Variants in DSCAM observed in about 807,000 individuals in gnomAD.
The protein encoded by DSCAM is cell adhesion molecule DSCAM.
DSCAM carries 47 observed loss-of-function variants against 217.7 expected under a neutral mutation model. The observed-to-expected ratio is 0.22, with a 90% confidence interval of 0.17 to 0.28. The LOEUF (loss-of-function observed/expected upper bound fraction) is 0.28, where lower values mean the gene tolerates loss of function less well. Ranked by LOEUF, DSCAM falls within the 10% of genes least tolerant of loss-of-function variation. The pLI is 1.00. For missense variants in DSCAM, 2,080 were observed against 2,618.3 expected, an observed-to-expected ratio of 0.79 and a Z score of 4.49; for synonymous variants, 1,056 against 1,015.3, an observed-to-expected ratio of 1.04 and a Z score of -0.76.
At chr21:40,839,647 GT>G (rs552504350) in intron 1 of DSCAM, among the ~76,000 whole-genome samples, 1 of 149,462 alleles carries the variant, frequency 6.7e-6, no homozygotes, top group African/African-American at 2.5e-5. Context: ...TTTTTTTTTT[GT>G]TTTTTTCTCC....
At chr21:40,739,972 T>A (rs1308659232) in intron 1 of DSCAM, among the ~76,000 whole-genome samples, 4 of 138,546 alleles carry the variant, frequency 2.9e-5, no homozygotes, top group African/African-American at 1.1e-4. Flanking sequence ...TTTTTTTTTT[T>A]TTTTTTTTTT....
At chr21:40,460,915 T>C (rs1352081149) in intron 3 of DSCAM, among the ~76,000 whole-genome samples, 1 of 152,224 alleles carries the variant, frequency 6.6e-6, no homozygotes, top group Non-Finnish European at 1.5e-5. Flanking sequence ...ACGTTTAAAG[T>C]GTATATAACC....
intron 1 of DSCAM, among the ~76,000 whole-genome samples, chr21:40,815,974 C>T (rs2091878022): frequency 6.6e-6 from 1 of 152,200 alleles, no homozygotes; most frequent in Non-Finnish European, 1.5e-5. Context: ...GTTGTCACCA[C>T]AGATGAGGCA....
At chr21:40,220,448 T>A (rs1466407172) in intron 11 of DSCAM, among the ~76,000 whole-genome samples, 10 of 152,220 alleles carry the variant, frequency 6.6e-5, no homozygotes, top group African/African-American at 2.2e-4. Context: ...TCTGTATTTG[T>A]AAGAATAACC....
At chr21:40,302,049 G>A (rs2074022459) in intron 9 of DSCAM, among the ~76,000 whole-genome samples, 1 of 152,190 alleles carries the variant, frequency 6.6e-6, no homozygotes, top group African/African-American at 2.4e-5. Flanking sequence ...TATATTGTCT[G>A]GGTGTATAAT....
intron 11 of DSCAM, among the ~76,000 whole-genome samples, chr21:40,210,165 C>T (rs1373413289): frequency 1.3e-5 from 2 of 152,088 alleles, no homozygotes; most frequent in Admixed American, 6.5e-5. Context: ...ACTGTTTTGC[C>T]ATTCTGAAAA....
At chr21:40,029,143 G>T (rs2088466272) in intron 32 of DSCAM, among the ~76,000 whole-genome samples, 1 of 7,196 alleles carries the variant, frequency 1.4e-4, no homozygotes, top group African/African-American at 5.3e-4. Flanking sequence ...CTGGGTCAAG[G>T]TGGCTTCCAA....
chr21:40,015,234 C>A (rs1393785732), intron 32 of DSCAM, among the ~76,000 whole-genome samples: 2 of 152,120 alleles, frequency 1.3e-5, no homozygotes, highest in African/African-American at 4.8e-5. Context: ...ATTCTGAAGG[C>A]CACAGTCTAC....
At chr21:40,280,184 T>C (rs1417784934) in intron 10 of DSCAM, among the ~76,000 whole-genome samples, 10 of 148,130 alleles carry the variant, frequency 6.8e-5, no homozygotes, top group Non-Finnish European at 1.3e-4. Flanking sequence ...TTGGTGCCTT[T>C]TTTTTTTTTT....
intron 3 of DSCAM, among the ~76,000 whole-genome samples, chr21:40,513,806 A>G (rs1216107045): frequency 6.6e-6 from 1 of 152,148 alleles, no homozygotes; most frequent in East Asian, 1.9e-4. Context: ...GACAGAATAA[A>G]AGCAAAATAA....
At chr21:40,828,068 A>G (rs2123627148) in intron 1 of DSCAM, among the ~76,000 whole-genome samples, 1 of 152,228 alleles carries the variant, frequency 6.6e-6, no homozygotes, top group South Asian at 2.1e-4. Flanking sequence ...CAGAATGTTG[A>G]TATGCTGAGC....
chr21:40,585,659 G>T (rs929448394), intron 3 of DSCAM, among the ~76,000 whole-genome samples: 4 of 152,176 alleles, frequency 2.6e-5, no homozygotes, highest in Admixed American at 2.0e-4. Context: ...GCCTCACCAA[G>T]TTGTAGGTCG....
intron 24 of DSCAM, 109 bp from the exon 25 acceptor site, chr21:40,080,449 A>G: frequency 1.1e-6 from 1 of 950,542 alleles, no homozygotes; most frequent in Non-Finnish European, 1.5e-6. Context: ...TCAGAACTGA[A>G]GAATCTTCAG....
chr21:40,840,437 C>T (rs545567462), intron 1 of DSCAM, among the ~76,000 whole-genome samples: 8 of 152,162 alleles, frequency 5.3e-5, no homozygotes, highest in South Asian at 2.1e-4. Context: ...TTTCAAAATG[C>T]GACAGGGCAA....
chr21:40,429,181 A>G (rs530124839), intron 3 of DSCAM, among the ~76,000 whole-genome samples: 4 of 152,192 alleles, frequency 2.6e-5, no homozygotes, highest in African/African-American at 9.6e-5. Flanking sequence ...CAGATTTCCA[A>G]TTTTTTGCAA....
intron 1 of DSCAM, among the ~76,000 whole-genome samples, chr21:40,842,887 G>T (rs112287756): frequency 0.019 from 2,917 of 152,260 alleles, 42 homozygotes; most frequent in South Asian, 0.044. Context: ...TTTATTGAAG[G>T]TCTGCGTGGC....
intron 10 of DSCAM, among the ~76,000 whole-genome samples, chr21:40,294,764 T>C (rs1374682689): frequency 6.6e-6 from 1 of 152,188 alleles, no homozygotes; most frequent in Non-Finnish European, 1.5e-5. Context: ...TCTGTTTCCA[T>C]GTAATAATGC....
intron 3 of DSCAM, among the ~76,000 whole-genome samples, chr21:40,518,575 TACAC>T (rs1160772763): frequency 5.8e-5 from 5 of 85,784 alleles, no homozygotes; most frequent in African/African-American, 2.4e-4. Flanking sequence ...CATATATACA[TACAC>T]ACACATATAC....
intron 3 of DSCAM, among the ~76,000 whole-genome samples, chr21:40,524,294 G>A (rs564286611): frequency 1.9e-3 from 283 of 152,040 alleles, no homozygotes; most frequent in African/African-American, 6.0e-3. Context: ...CAGATTTTCC[G>A]AAACCTTTAT....
Sources: gnomAD v4.1 joint callset for allele counts (sites outside exome capture counted in the v4.1 genomes callset) on GRCh38, gnomAD v4.1.1 for gene constraint, MANE v1.5 for transcripts, NCBI Gene and HGNC (gene_info 2026-07-23, HGNC 2026-07-21) for gene names.